Variants in GTF2F2 observed in about 807,000 individuals in gnomAD.
The protein encoded by GTF2F2 is ATP-dependent helicase GTF2F2.
A neutral mutation model predicts 42.2 loss-of-function variants in GTF2F2; 23 were observed. The observed-to-expected ratio is 0.55, with a 90% CI of 0.39 to 0.77. The LOEUF (loss-of-function observed/expected upper bound fraction) is 0.77, where lower values mean the gene tolerates loss of function less well. Ranked by LOEUF, GTF2F2 falls within the 30% of genes least tolerant of loss-of-function variation. The probability of loss-of-function intolerance (pLI) is 0.00; values close to 1 mark genes in which losing one functional copy is unlikely to be tolerated. For missense variants in GTF2F2, 261 were observed against 287.2 expected (o/e 0.91, Z 0.66); for synonymous variants, 105 against 100.8 (o/e 1.04, Z -0.25).
intron 4 of GTF2F2, among the ~76,000 whole-genome samples, chr13:45,181,482 A>G (rs1303822403): frequency 6.6e-6 from 1 of 152,154 alleles, no homozygotes; most frequent in Non-Finnish European, 1.5e-5. Flanking sequence ...AATTACTTGT[A>G]TATGAACATT....
intron 4 of GTF2F2, among the ~76,000 whole-genome samples, chr13:45,188,207 C>T (rs891897096): frequency 6.6e-6 from 1 of 152,138 alleles, no homozygotes; most frequent in Non-Finnish European, 1.5e-5. Context: ...TGCCTGGCCC[C>T]TGCTGATTTT....
At chr13:45,171,069 C>CTTTTTT (rs908914894) in intron 4 of GTF2F2, among the ~76,000 whole-genome samples, 1 of 94,240 alleles carries the variant, frequency 1.1e-5, no homozygotes, top group Non-Finnish European at 2.0e-5. Flanking sequence ...AAAACCCTAT[C>CTTTTTT]TTTTTTTTTT....
At chr13:45,254,171 G>A (rs960124580) in intron 6 of GTF2F2, among the ~76,000 whole-genome samples, 1 of 151,842 alleles carries the variant, frequency 6.6e-6, no homozygotes, top group African/African-American at 2.4e-5. Flanking sequence ...TGTTATTACA[G>A]TATATTGTTA....
chr13:45,232,041 T>C (rs377088135), intron 5 of GTF2F2, among the ~76,000 whole-genome samples: 1 of 152,216 alleles, frequency 6.6e-6, no homozygotes, highest in African/African-American at 2.4e-5. Flanking sequence ...ATAGAAGTTA[T>C]TTGATCCCAC....
rs77529002 is a variant in GTF2F2, at chr13:45,212,057, G to A, written c.386+4552G>A. Among the ~76,000 whole-genome samples the A allele has an allele frequency of 3.3e-5, 5 of 152,200 alleles. No homozygotes were observed. The East Asian group carries it at 7.7e-4, about 23-fold the overall frequency. On this transcript the variant is annotated intron_variant, in intron 5 of 7. Transcript: ENST00000340473. ...AGGATCTGTTTACAGACAGTGTCGTGGAGGAAAGGCATAGCAACGTGGTAG... is the reference window on the plus strand; with the variant it reads ...AGGATCTGTTTACAGACAGTGTCGTAGAGGAAAGGCATAGCAACGTGGTAG...
chr13:45,127,952 T>TC (rs1390303185), intron 1 of GTF2F2, among the ~76,000 whole-genome samples: 50 of 132,792 alleles, frequency 3.8e-4, no homozygotes, highest in Non-Finnish European at 4.8e-4. Context: ...TTTTTTTTTT[T>TC]TTTTTTTTTT....
intron 1 of GTF2F2, 76 bp from the exon 2 acceptor site, chr13:45,136,657 G>C: frequency 1.3e-6 from 1 of 768,200 alleles, no homozygotes; most frequent in Non-Finnish European, 2.2e-6. Flanking sequence ...AATAAAAATA[G>C]AAGCAATATA....
chr13:45,151,764 A>G lies in GTF2F2; in HGVS notation c.237A>G (p.Arg79=). 1 of 1,591,270 alleles carries G rather than the reference A, an allele frequency of 6.3e-7. No individual in the cohort carries two copies. The highest frequency in any genetic ancestry group is 8.6e-7 in the Non-Finnish European group (1 of 1,163,406). The part of the protein sequence containing the change: ...GGKPASVSAP[R]EHPFVLQSVG... The stretch of plus-strand genomic sequence containing the variant: ...AACCAGCTTCAGTCAGTGCTCCTAG[A>G]GAACATCCATTTGTCTTGCAAAGTG... Residue 79 remains arginine, a synonymous_variant, in exon 4 of 8, where the codon AGA becomes AGG. Coordinates refer to ENST00000340473, the MANE Select transcript of GTF2F2 (RefSeq NM_004128.3).
chr13:45,202,453 G>T (rs1204494613), intron 4 of GTF2F2, among the ~76,000 whole-genome samples: 2 of 152,256 alleles, frequency 1.3e-5, no homozygotes, highest in East Asian at 3.9e-4. Flanking sequence ...GTGTGTGTGT[G>T]TGCAAGTACA....
In GTF2F2 at chr13:45,236,490, T is replaced by TACACACAC. The variant is rs3047056; in HGVS notation, c.387-16349_387-16342dup. 5.3e-3 allele frequency among the ~76,000 whole-genome samples: 755 copies of TACACACAC among 142,022 alleles called. 6 individuals are homozygous for TACACACAC. The highest frequency in any genetic ancestry group is 0.018 in the African/African-American group (710 of 39,798). 93.2% of individuals were successfully genotyped at this position (142,022 alleles called of 152,430 possible). Reference sequence around the variant, plus strand: ...TTGATTCCTCACCCCCCGCCACACATACACACACACACACACACACACACA... The same window carrying TACACACAC: ...TTGATTCCTCACCCCCCGCCACACATACACACACACACACACACACACACACACACACA... On this transcript the variant is annotated intron_variant, in intron 5 of 7. Coordinates refer to ENST00000340473, the MANE Select transcript of GTF2F2 (RefSeq NM_004128.3).
chr13:45,212,491 C>CTT (rs1253148485), intron 5 of GTF2F2, among the ~76,000 whole-genome samples: 1 of 101,460 alleles, frequency 9.9e-6, no homozygotes, highest in Non-Finnish European at 2.2e-5. Context: ...TTCTTTCTTT[C>CTT]TTTCTTTCTT....
At chr13:45,264,158 A>T (rs1163142754) in intron 6 of GTF2F2, among the ~76,000 whole-genome samples, 1 of 151,536 alleles carries the variant, frequency 6.6e-6, no homozygotes, top group East Asian at 1.9e-4. Flanking sequence ...ACACAGAAAG[A>T]TAAGCATATA....
intron 6 of GTF2F2, among the ~76,000 whole-genome samples, chr13:45,262,723 CT>C (rs1566155169): frequency 6.6e-6 from 1 of 151,788 alleles, no homozygotes; most frequent in African/African-American, 2.4e-5. Context: ...CCGGCCTAAT[CT>C]TTATTTTGTT....
At chr13:45,183,798 C>T (rs902837152) in intron 4 of GTF2F2, among the ~76,000 whole-genome samples, 1 of 152,098 alleles carries the variant, frequency 6.6e-6, no homozygotes, top group Non-Finnish European at 1.5e-5. Flanking sequence ...AAATGCCAGA[C>T]ATTTTTATGA....
chr13:45,276,988 A>G (rs1384050832), intron 7 of GTF2F2, among the ~76,000 whole-genome samples: 1 of 152,104 alleles, frequency 6.6e-6, no homozygotes, highest in Non-Finnish European at 1.5e-5. Flanking sequence ...TGACCATTTC[A>G]TCACCCATCT....
chr13:45,205,368 A>T (rs1052880885), intron 4 of GTF2F2, among the ~76,000 whole-genome samples: 1 of 152,154 alleles, frequency 6.6e-6, no homozygotes, highest in Non-Finnish European at 1.5e-5. Flanking sequence ...TGATCCAGTC[A>T]CTTCCCTCCC....
chr13:45,182,027 C>T (rs981978727), intron 4 of GTF2F2, among the ~76,000 whole-genome samples: 13 of 152,158 alleles, frequency 8.5e-5, no homozygotes, highest in African/African-American at 3.1e-4. Flanking sequence ...ACTCCTCCCT[C>T]TCTCTGGAGG....
Position 45,165,327 on chromosome 13 carries a change from A to T in GTF2F2, c.304+13496A>T, listed in dbSNP as rs749304505. Among the ~76,000 whole-genome samples, 89 of 133,236 alleles carry T rather than the reference A, an allele frequency of 6.7e-4. No individual in the cohort carries two copies. In the South Asian group the frequency reaches 8.1e-3, roughly 12 times the overall value. The allele number at this position is 133,236 out of a possible 152,430, so 87.4% of individuals were successfully genotyped here. A position where few individuals can be genotyped will look rare whatever the true frequency, so the allele number is the denominator to read the frequency against. On this transcript the variant is annotated intron_variant, in intron 4 of 7. Transcript: ENST00000340473. Reference sequence around the variant, plus strand: ...ATATCTAAAATATATATATATATATATATATTTTTTTTTTCTTTGAGACAA... The same window carrying T: ...ATATCTAAAATATATATATATATATTTATATTTTTTTTTTCTTTGAGACAA...
intron 5 of GTF2F2, among the ~76,000 whole-genome samples, chr13:45,228,950 A>G (rs1178227022): frequency 1.3e-5 from 2 of 152,078 alleles, no homozygotes; most frequent in African/African-American, 4.8e-5. Context: ...GATTACAGGC[A>G]TGAGCCACCA....
Sources: allele counts gnomAD v4.1 joint callset (sites outside exome capture counted in the v4.1 genomes callset), GRCh38; gene constraint gnomAD v4.1.1; transcripts MANE v1.5; gene names NCBI Gene and HGNC (gene_info 2026-07-23, HGNC 2026-07-21).